COL18A1: variants seen among roughly 807,000 people sequenced by gnomAD.
The protein encoded by COL18A1 is collagen alpha-1(XVIII) chain.
In COL18A1, 133 loss-of-function variants were observed where a neutral mutation model predicts 168.0. The observed-to-expected ratio is 0.79, with a 90% CI of 0.69 to 0.91. The LOEUF (loss-of-function observed/expected upper bound fraction) is 0.91. Ranked by LOEUF, COL18A1 falls within the 40% of genes least tolerant of loss-of-function variation. The pLI, the probability that COL18A1 is intolerant of heterozygous loss-of-function variation, is 0.00. For synonymous variants in COL18A1, 949 were observed against 809.0 expected (o/e 1.17, Z -2.94); for missense variants, 2,126 against 1,925.4 (o/e 1.10, Z -1.95).
At chr21:45,506,072 G>A in intron 37 of COL18A1, 106 bp downstream of exon 37, 1 of 1,543,888 alleles carries the variant, frequency 6.5e-7, no homozygotes, top group South Asian at 1.1e-5. Context: ...ATGGGAGCAG[G>A]TGGCAGCCAG....
chr21:45,490,740 TAAAG>T (rs34145804), intron 20 of COL18A1, 92 bp from the exon 21 acceptor site: 200,677 of 1,354,966 alleles, frequency 0.15, 15,685 homozygotes, highest in East Asian at 0.16. Context: ...GGTCGGGAAA[TAAAG>T]AACCCCACAT....
intron 4 of COL18A1, 100 bp from the exon 5 acceptor site, chr21:45,475,375 TG>T: frequency 9.3e-7 from 1 of 1,080,650 alleles, no homozygotes. Flanking sequence ...AGAGGGGGCC[TG>T]GAGGAGGCGA....
intron 27 of COL18A1, 51 bp downstream of exon 27, chr21:45,494,622 C>G: frequency 6.2e-7 from 1 of 1,611,554 alleles, no homozygotes; most frequent in South Asian, 1.1e-5. Flanking sequence ...TGACGGCCCC[C>G]AAGGACACGG....
chr21:45,439,262 C>T (rs2034301487), intron 2 of COL18A1, among the ~76,000 whole-genome samples: 1 of 152,254 alleles, frequency 6.6e-6, no homozygotes, highest in African/African-American at 2.4e-5. Flanking sequence ...CCCAGGCAGG[C>T]CTGGACCGCC....
rs758015554 is a variant in COL18A1, at chr21:45,504,045, T to C, written c.2718T>C (p.Ala906=). ...CGTTTGACTTTCTTCAGTTGGAGGC[T>C]GAAATGAAGGTGGGTGACCTCCCTG... ...QFPFDFLQLE[A]EMKGEKGDRG... The change falls in exon 33 of 42, where the codon GCT becomes GCC. Residue 906 remains alanine (A), a synonymous_variant. Transcript: ENST00000651438. 3.1e-6 allele frequency: 5 copies of C among 1,613,564 alleles called. No homozygotes were observed. Among genetic ancestry groups the C allele is most frequent in the Non-Finnish European group, 4.2e-6 (5 of 1,179,980 alleles).
rs2036858639 is a variant in COL18A1 at position 45,501,808 on chromosome 21, AGAAGGACCCCCAGGGGCTCCAC to A, written c.2684-2202_2684-2181del. Among the ~76,000 whole-genome samples, 3 of 54,888 alleles carry A rather than the reference AGAAGGACCCCCAGGGGCTCCAC, an allele frequency of 5.5e-5. 1 individual carries two copies. The highest frequency in any genetic ancestry group is 8.4e-5 in the Non-Finnish European group (2 of 23,926). 36.0% of individuals were successfully genotyped at this position (54,888 alleles called of 152,430 possible). On this transcript the variant is annotated intron_variant, in intron 32 of 41. Transcript: ENST00000651438. ...TCCACAGCCGGTCACCTCTCTCTGC[AGAAGGACCCCCAGGGGCTCCAC>A]AGCCGGTCACCTCCCTCTGCAGAAG...
intron 21 of COL18A1, 120 bp downstream of exon 21, chr21:45,490,991 A>G (rs1046163248): frequency 2.9e-6 from 3 of 1,032,982 alleles, no homozygotes; most frequent in Admixed American, 2.1e-5. Flanking sequence ...GACTCAGGGC[A>G]AAGACCCTCA....
chr21:45,485,128 A>G (rs952469123), intron 15 of COL18A1, among the ~76,000 whole-genome samples: 2 of 138,352 alleles, frequency 1.4e-5, no homozygotes, highest in African/African-American at 5.3e-5. Context: ...GACTACAGGC[A>G]TCTGCCACCA....
chr21:45,450,795 G>C (rs1200538505), intron 2 of COL18A1, among the ~76,000 whole-genome samples: 5 of 152,214 alleles, frequency 3.3e-5, no homozygotes, highest in Admixed American at 6.5e-5. Flanking sequence ...CGCATCTCAG[G>C]CCTCCCTCCC....
At chr21:45,499,977 T>C (rs1766900932) in intron 32 of COL18A1, among the ~76,000 whole-genome samples, 1 of 152,194 alleles carries the variant, frequency 6.6e-6, no homozygotes, top group Non-Finnish European at 1.5e-5. Context: ...ACAGACATTG[T>C]CAATGGGATA....
intron 2 of COL18A1, among the ~76,000 whole-genome samples, chr21:45,444,517 C>T (rs999039044): frequency 6.6e-6 from 1 of 152,106 alleles, no homozygotes; most frequent in African/African-American, 2.4e-5. Context: ...GAGGTGCACG[C>T]TCACTCGTGC....
chr21:45,462,672 T>A (rs2145874388), intron 2 of COL18A1, among the ~76,000 whole-genome samples: 1 of 152,354 alleles, frequency 6.6e-6, no homozygotes, highest in Non-Finnish European at 1.5e-5. Flanking sequence ...CACACCTTCC[T>A]GTAGTTCTTT....
chr21:45,453,871 G>T (rs1182030203), intron 2 of COL18A1, among the ~76,000 whole-genome samples: 1 of 152,192 alleles, frequency 6.6e-6, no homozygotes, highest in African/African-American at 2.4e-5. Flanking sequence ...ATATTGGGGG[G>T]CATGAATGTA....
Position 45,498,628 on chromosome 21 carries a change from C to G in COL18A1, c.2683+967C>G. 1.4e-6 allele frequency: 1 copy of G among 703,940 alleles called. No individual in the cohort carries two copies. The highest frequency in any genetic ancestry group is 2.0e-5 in the Admixed American group (1 of 48,826). The allele number at this position is 703,940 out of a possible 1,614,324, so 43.6% of individuals were successfully genotyped here. A position where few individuals can be genotyped will look rare whatever the true frequency, so the allele number is the denominator to read the frequency against. On this transcript the variant is annotated intron_variant, in intron 32 of 41. Transcript: ENST00000651438. The surrounding 1 kb of genome is among the most constrained non-coding windows in gnomAD (Gnocchi z 4.5). Reference sequence around the variant, plus strand: ...TCCTTAAGGCCTGTGGAGGCAAAGGCAGGCAGAAAGCAAGCGGGAAGATGG... The same window carrying G: ...TCCTTAAGGCCTGTGGAGGCAAAGGGAGGCAGAAAGCAAGCGGGAAGATGG...
chr21:45,475,441 C>T (rs1324005064), intron 4 of COL18A1, 35 bp from the exon 5 acceptor site: 2 of 1,562,048 alleles, frequency 1.3e-6, no homozygotes, highest in African/African-American at 2.7e-5. Context: ...GCCTGGCTGC[C>T]ATCTCTCCAG....
Position 45,477,924 on chromosome 21 carries a change from C to A in COL18A1, c.1180C>A (p.Pro394Thr). ...CCCCGGACCACAAGGACCCCCAGGG[C>A]CTCCGGGGAGGGACGGCACCCCTGG... ...TVPGPQGPPG[P>T]PGRDGTPGRD... The change falls in exon 8 of 42, where the codon CCT (proline) becomes ACT (threonine). Residue 394 changes from proline to threonine, a missense_variant. Coordinates refer to ENST00000651438, the MANE Select transcript of COL18A1 (RefSeq NM_001379500.1). 1 of 1,563,954 alleles carries A rather than the reference C, an allele frequency of 6.4e-7. No individual in the cohort carries two copies.
chr21:45,476,449 C>T lies in COL18A1; in HGVS notation c.897C>T (p.Val299=), dbSNP rs376715250. Reference sequence around the variant, plus strand: ...CGGAAGATTCCAGAAGTGAAGAAGTCGAGGAGCAGACCACGGTGGCTTCGT... The same window carrying T: ...CGGAAGATTCCAGAAGTGAAGAAGTTGAGGAGCAGACCACGGTGGCTTCGT... ...SSTEDSRSEE[V]EEQTTVASLG... Residue 299 remains valine (V), a synonymous_variant, in exon 6 of 42, where the codon GTC becomes GTT. Coordinates refer to ENST00000651438, the MANE Select transcript of COL18A1 (RefSeq NM_001379500.1). 2.4e-5 allele frequency: 39 copies of T among 1,613,340 alleles called. No individual in the cohort carries two copies. Among genetic ancestry groups the T allele is most frequent in the Admixed American group, 8.4e-5 (5 of 59,878 alleles).
Position 45,457,006 on chromosome 21 carries a change from G to A in COL18A1, c.107-11236G>A, listed in dbSNP as rs1317336619. 10 of 796,266 alleles carry A rather than the reference G, an allele frequency of 1.3e-5. No homozygotes were observed. Among genetic ancestry groups the A allele is most frequent in the African/African-American group, 3.7e-5 (2 of 54,550 alleles). The allele number at this position is 796,266 out of a possible 1,614,324, so 49.3% of individuals were successfully genotyped here. ...GAATCTCTACGTTCAGGGGCCCGTG[G>A]CCCTCGGGAGGTGGGAGAGCTGGGA... On this transcript the variant is annotated intron_variant, in intron 2 of 41. Coordinates refer to ENST00000651438, the MANE Select transcript of COL18A1 (RefSeq NM_001379500.1). This position sits in a 1 kb window ranked among gnomAD's most constrained non-coding sequence, Gnocchi z 4.6.
chr21:45,452,930 T>C lies in COL18A1; in HGVS notation c.107-15312T>C, dbSNP rs1276193268. On this transcript the variant is annotated intron_variant, in intron 2 of 41. Transcript: ENST00000651438. The stretch of plus-strand genomic sequence containing the variant: ...ATGTACATGTGTGTGAGTATTCACA[T>C]GTGACATGTGAGCATGTATGTACAT... Among the ~76,000 whole-genome samples the C allele has an allele frequency of 5.3e-5, 8 of 151,930 alleles. No homozygotes were observed. The South Asian group carries it at 8.3e-4, about 16-fold the overall frequency.
Sources: allele counts gnomAD v4.1 joint callset (sites outside exome capture counted in the v4.1 genomes callset), GRCh38; gene constraint gnomAD v4.1.1; non-coding constraint Gnocchi (gnomAD v3.1); transcripts MANE v1.5; gene names NCBI Gene and HGNC (gene_info 2026-07-23, HGNC 2026-07-21).